Variants in CD274 observed in about 807,000 individuals in gnomAD.
CD274 encodes CD274 molecule.
CD274 carries 8 observed loss-of-function variants against 30.1 expected under a neutral mutation model. The observed-to-expected ratio is 0.27, with a 90% CI of 0.16 to 0.48. The LOEUF (loss-of-function observed/expected upper bound fraction) is 0.48. Among genes scored for constraint, CD274 ranks in the 20% least tolerant of loss-of-function variants. CD274 has a pLI of 0.99. For synonymous variants in CD274, 152 were observed against 124.6 expected (o/e 1.22, Z -1.46); for missense variants, 353 against 346.6 (o/e 1.02, Z -0.15).
At chr9:5,451,722 A>G (rs181283930) in intron 1 of CD274, among the ~76,000 whole-genome samples, 296 of 152,322 alleles carry the variant, frequency 1.9e-3, no homozygotes, top group African/African-American at 7.0e-3. Flanking sequence ...GAAAATGTAC[A>G]AGAGTGTCTC....
In CD274 at chr9:5,470,073, A is replaced by T. The variant is rs1291289587; in HGVS notation, c.*2211A>T. ...CCTAAGAGGCTTCCTGGAGGTTTCG[A>T]GATTCAGATGCCCTGGGAGATCCCA... On this transcript the variant is annotated 3_prime_UTR_variant, in exon 7 of 7. Coordinates refer to ENST00000381577, the MANE Select transcript of CD274 (RefSeq NM_014143.4). 2 of 232,992 alleles carry T rather than the reference A, an allele frequency of 8.6e-6. No individual in the cohort carries two copies. Among genetic ancestry groups the T allele is most frequent in the Non-Finnish European group, 1.7e-5 (2 of 117,952 alleles). 14.4% of individuals were successfully genotyped at this position (232,992 alleles called of 1,614,324 possible).
chr9:5,457,534 G>C, intron 3 of CD274, 114 bp downstream of exon 3: 1 of 773,756 alleles, frequency 1.3e-6, no homozygotes, highest in South Asian at 1.9e-5. Context: ...AGCATAGTCT[G>C]TTCATTCATT....
intron 5 of CD274, among the ~76,000 whole-genome samples, chr9:5,466,332 A>T (rs117804945): frequency 1.3e-5 from 2 of 152,210 alleles, no homozygotes; most frequent in Admixed American, 1.3e-4. Context: ...TCCAAAAATT[A>T]TATTCTTAAC....
chr9:5,454,038 G>GA (rs111339650), intron 1 of CD274, among the ~76,000 whole-genome samples: 112 of 152,082 alleles, frequency 7.4e-4, no homozygotes, highest in Middle Eastern at 3.4e-3. Flanking sequence ...TAATAATAAA[G>GA]AAAAAAACAT....
chr9:5,462,012 C>G (rs536191988), intron 3 of CD274, among the ~76,000 whole-genome samples: 1 of 152,072 alleles, frequency 6.6e-6, no homozygotes. Context: ...TTAGTTATGA[C>G]GATTGTACCA....
intron 3 of CD274, among the ~76,000 whole-genome samples, chr9:5,462,086 T>G (rs1366672992): frequency 6.6e-6 from 1 of 152,178 alleles, no homozygotes. Context: ...CTCTATACTA[T>G]CTTTGCAACT....
intron 5 of CD274, 35 bp downstream of exon 5, chr9:5,465,641 G>C: frequency 1.7e-6 from 2 of 1,212,058 alleles, no homozygotes; most frequent in African/African-American, 1.5e-5. Flanking sequence ...TCTCCACTGG[G>C]GGTGAGGAAG....
At position 5,465,616 on chromosome 9, in the gene CD274, C is replaced by G. The variant is rs1203118164; in HGVS notation, c.790+10C>G. ...TTCCGTTTAAGAAAAGGTAGTATTT[C>G]CTTAATTGCAGTGGTCTCCACTGGG... is the stretch of plus-strand genomic sequence containing the variant. On this transcript the variant is annotated intron_variant, in intron 5 of 6. Transcript: ENST00000381577. The G allele has an allele frequency of 4.0e-6, 6 of 1,488,826 alleles. No homozygotes were observed. Among genetic ancestry groups the G allele is most frequent in the Non-Finnish European group, 1.9e-6 (2 of 1,066,128 alleles). 92.2% of individuals were successfully genotyped at this position (1,488,826 alleles called of 1,614,324 possible).
At chr9:5,454,647 G>A (rs997355306) in intron 1 of CD274, among the ~76,000 whole-genome samples, 5 of 152,138 alleles carry the variant, frequency 3.3e-5, no homozygotes, top group African/African-American at 1.2e-4. Context: ...ATATATGTGT[G>A]TGTGTGTGTT....
chr9:5,459,862 G>A (rs762202039), intron 3 of CD274, among the ~76,000 whole-genome samples: 4 of 151,920 alleles, frequency 2.6e-5, no homozygotes, highest in Non-Finnish European at 5.9e-5. Flanking sequence ...GGATCATATG[G>A]ACCAAATCGA....
rs78324006 is a variant in CD274 at position 5,466,640 on chromosome 9, G to A, written c.791-130G>A. On this transcript the variant is annotated intron_variant, in intron 5 of 6. Coordinates refer to ENST00000381577, the MANE Select transcript of CD274 (RefSeq NM_014143.4). ...ATTAACCTCATAAGTTGGGACCTGT[G>A]GAATAAGGATGTCCACCAGACTTCC... 2,888 of 658,802 alleles carry A rather than the reference G, an allele frequency of 4.4e-3. 62 individuals carry two copies. The African/African-American group carries it at 0.048, about 11-fold the overall frequency. 40.8% of individuals were successfully genotyped at this position (658,802 alleles called of 1,614,324 possible).
In CD274 at chr9:5,468,580, G is replaced by C; in HGVS notation, c.*718G>C. On this transcript the variant is annotated 3_prime_UTR_variant, in exon 7 of 7. Transcript: ENST00000381577. Reference sequence around the variant, plus strand: ...CTTTATTTAACCCATTAATACTCTGGTTGACCTAATCTTATTCTCAGACCT... The same window carrying C: ...CTTTATTTAACCCATTAATACTCTGCTTGACCTAATCTTATTCTCAGACCT... 4.3e-6 allele frequency: 1 copy of C among 232,938 alleles called. No homozygotes were observed. The allele number at this position is 232,938 out of a possible 1,614,324, so 14.4% of individuals were successfully genotyped here. A position where few individuals can be genotyped will look rare whatever the true frequency, so the allele number is the denominator to read the frequency against.
chr9:5,467,165 G>C (rs1167407678), intron 6 of CD274, among the ~76,000 whole-genome samples: 2 of 151,246 alleles, frequency 1.3e-5, no homozygotes, highest in African/African-American at 4.9e-5. Flanking sequence ...CACCATGCAC[G>C]GTATCTCATT....
intron 2 of CD274, 86 bp downstream of exon 2, chr9:5,456,251 T>A: frequency 4.8e-6 from 4 of 836,176 alleles, no homozygotes; most frequent in Non-Finnish European, 7.9e-6. Context: ...TTAAAATGCA[T>A]GCAATTTTCT....
intron 1 of CD274, among the ~76,000 whole-genome samples, chr9:5,451,668 C>T (rs988991842): frequency 6.6e-6 from 1 of 152,058 alleles, no homozygotes; most frequent in African/African-American, 2.4e-5. Flanking sequence ...GTGTGGTCTT[C>T]AAGGAAGTCA....
At chr9:5,453,613 T>C (rs1819246368) in intron 1 of CD274, among the ~76,000 whole-genome samples, 1 of 152,208 alleles carries the variant, frequency 6.6e-6, no homozygotes, top group Non-Finnish European at 1.5e-5. Flanking sequence ...TGCTTATGAA[T>C]ACCATGCAGT....
At chr9:5,452,141 C>T (rs528307877) in intron 1 of CD274, among the ~76,000 whole-genome samples, 25 of 151,812 alleles carry the variant, frequency 1.6e-4, no homozygotes, top group African/African-American at 2.4e-4. Flanking sequence ...CTCAGCCTCC[C>T]GAGTAGCTGG....
chr9:5,467,779 T>C, intron 6 of CD274, 61 bp from the exon 7 acceptor site: 1 of 1,304,632 alleles, frequency 7.7e-7, no homozygotes, highest in South Asian at 1.2e-5. Context: ...TTATTAGATT[T>C]CTTGTTACTT....
At position 5,468,603 on chromosome 9, in the gene CD274, C is replaced by A; in HGVS notation, c.*741C>A. 4.3e-6 allele frequency: 1 copy of A among 233,028 alleles called. No homozygotes were observed. The highest frequency in any genetic ancestry group is 8.5e-6 in the Non-Finnish European group (1 of 117,880). 14.4% of individuals were successfully genotyped at this position (233,028 alleles called of 1,614,324 possible). A position where few individuals can be genotyped will look rare whatever the true frequency, so the allele number is the denominator to read the frequency against. On this transcript the variant is annotated 3_prime_UTR_variant, in exon 7 of 7. Transcript: ENST00000381577. ...TGGTTGACCTAATCTTATTCTCAGA[C>A]CTCAAGTGTCTGTGCAGTATCTGTT... is the stretch of plus-strand genomic sequence containing the variant.
Sources: gnomAD v4.1 joint callset for allele counts (sites outside exome capture counted in the v4.1 genomes callset) on GRCh38, gnomAD v4.1.1 for gene constraint, MANE v1.5 for transcripts, NCBI Gene and HGNC (gene_info 2026-07-23, HGNC 2026-07-21) for gene names.